Variants in CRISP1 observed in about 807,000 individuals in gnomAD.
CRISP1 encodes the protein cysteine rich secretory protein 1, also known as cysteine-rich secretory protein 1.
A neutral mutation model predicts 33.1 loss-of-function variants in CRISP1; 44 were observed. The observed-to-expected ratio is 1.33, with a 90% CI of 1.05 to 1.71. The LOEUF (loss-of-function observed/expected upper bound fraction) is 1.71, where lower values mean the gene tolerates loss of function less well. CRISP1 is among the 40% of genes most tolerant of loss of function. The probability of loss-of-function intolerance (pLI) is 0.00; values close to 1 mark genes in which losing one functional copy is unlikely to be tolerated. For synonymous variants in CRISP1, 103 were observed against 98.7 expected (o/e 1.04, Z -0.26); for missense variants, 390 against 301.2 (o/e 1.29, Z -2.18).
chr6:49,861,608 G>T (rs1367442297), intron 1 of CRISP1, among the ~76,000 whole-genome samples: 1 of 152,112 alleles, frequency 6.6e-6, no homozygotes, highest in Non-Finnish European at 1.5e-5. Context: ...GCTCGGCCAG[G>T]CACGGTAACT....
chr6:49,865,981 T>C (rs1191494735), intron 1 of CRISP1, among the ~76,000 whole-genome samples: 1 of 152,164 alleles, frequency 6.6e-6, no homozygotes, highest in African/African-American at 2.4e-5. Context: ...CCATTAAATG[T>C]CTAGCAACTC....
intron 4 of CRISP1, among the ~76,000 whole-genome samples, chr6:49,847,692 ATG>A (rs535936393): frequency 3.8e-4 from 36 of 95,662 alleles, no homozygotes; most frequent in Admixed American, 9.9e-4. Context: ...AGAAGCAATA[ATG>A]TTTTTTTTTA....
chr6:49,857,610 T>G (rs950211475), intron 1 of CRISP1, among the ~76,000 whole-genome samples: 1 of 152,128 alleles, frequency 6.6e-6, no homozygotes, highest in Non-Finnish European at 1.5e-5. Context: ...CTCAAAAATA[T>G]AAATTGTTTT....
chr6:49,873,272 T>G (rs1771967243), intron 1 of CRISP1, among the ~76,000 whole-genome samples: 1 of 151,976 alleles, frequency 6.6e-6, no homozygotes. Context: ...TAAAGAAAAT[T>G]TTTCCAAAAT....
intron 5 of CRISP1, among the ~76,000 whole-genome samples, chr6:49,842,483 T>C (rs560918882): frequency 6.6e-6 from 1 of 152,292 alleles, no homozygotes; most frequent in African/African-American, 2.4e-5. Flanking sequence ...CAAATGATTG[T>C]AGAAAAAGAG....
At chr6:49,852,602 AT>A (rs1256486887) in intron 2 of CRISP1, among the ~76,000 whole-genome samples, 2 of 152,148 alleles carry the variant, frequency 1.3e-5, no homozygotes, top group African/African-American at 4.8e-5. Context: ...GAGATTCATT[AT>A]TGAGGACAAA....
intron 3 of CRISP1, among the ~76,000 whole-genome samples, chr6:49,851,563 G>T (rs1486120593): frequency 1.3e-5 from 2 of 152,100 alleles, no homozygotes; most frequent in Non-Finnish European, 2.9e-5. Context: ...CTGGACTACT[G>T]CCCAATGAAG....
chr6:49,857,563 T>C (rs1042452136), intron 1 of CRISP1, among the ~76,000 whole-genome samples, 161 bp from the exon 2 acceptor site: 2 of 152,170 alleles, frequency 1.3e-5, no homozygotes, highest in Non-Finnish European at 1.5e-5. Flanking sequence ...GGGATCCAGA[T>C]AGAAAGGCAG....
rs568565593 is a variant in CRISP1 at position 49,874,313 on chromosome 6, T to C, written c.-3+2696A>G. Among the ~76,000 whole-genome samples, 15 of 152,152 alleles carry C rather than the reference T, an allele frequency of 9.9e-5. No individual in the cohort carries two copies. The South Asian group carries it at 1.2e-3, about 13-fold the overall frequency. ...ACTGATGCCTAATGCTATAAAACAT[T>C]TAGAAAAATAGACCCAATTGATTTC... On this transcript the variant is annotated intron_variant, in intron 1 of 7. Transcript: ENST00000505118.
At chr6:49,874,929 T>C (rs1164600900) in intron 1 of CRISP1, among the ~76,000 whole-genome samples, 1 of 152,036 alleles carries the variant, frequency 6.6e-6, no homozygotes, top group Non-Finnish European at 1.5e-5. Context: ...AAGAGCCATA[T>C]ATGACGAACC....
chr6:49,846,621 A>G lies in CRISP1; in HGVS notation c.334T>C (p.Trp112Arg), dbSNP rs1582265140. 5.0e-6 allele frequency: 8 copies of G among 1,613,588 alleles called. No homozygotes were observed. The highest frequency in any genetic ancestry group is 6.8e-6 in the Non-Finnish European group (8 of 1,179,666). ...TACCAGACTCCAATTACACTTGACC[A>G]TGATACAGGATAAGATGTCATATGC... Reference protein sequence around the residue: ...NMHMTSYPVSWSSVIGVWYSE... With the variant: ...NMHMTSYPVSRSSVIGVWYSE... The change falls in exon 5 of 8, where the codon TGG (tryptophan) becomes CGG (arginine). Residue 112 changes from tryptophan to arginine, a missense_variant. Physicochemically the swap from Trp to Arg is moderately radical, Grantham distance 101. Coordinates refer to ENST00000335847, the MANE Select transcript of CRISP1 (RefSeq NM_001131.3).
intron 2 of CRISP1, among the ~76,000 whole-genome samples, chr6:49,854,274 C>T (rs1022135501): frequency 1.3e-5 from 2 of 152,168 alleles, no homozygotes; most frequent in African/African-American, 4.8e-5. Flanking sequence ...TTCTACCATT[C>T]CCCCAAATCT....
At chr6:49,869,193 G>A (rs1233591606), upstream of CRISP1, among the ~76,000 whole-genome samples, 3 of 152,058 alleles carry the variant, frequency 2.0e-5, no homozygotes, top group African/African-American at 4.8e-5. Flanking sequence ...TGTCAGTTGA[G>A]GCTGCAGACA....
At chr6:49,844,151 CAA>C (rs1771082408) in intron 5 of CRISP1, among the ~76,000 whole-genome samples, 1 of 152,052 alleles carries the variant, frequency 6.6e-6, no homozygotes, top group South Asian at 2.1e-4. Context: ...AAAGTATTTT[CAA>C]AAGAGAATCC....
In CRISP1 at chr6:49,834,471, C is replaced by G; in HGVS notation, c.*845G>C. 1 of 152,104 alleles carries G rather than the reference C, an allele frequency of 6.6e-6. No individual in the cohort carries two copies. The highest frequency in any genetic ancestry group is 1.9e-4 in the East Asian group (1 of 5,184). 9.4% of individuals were successfully genotyped at this position (152,104 alleles called of 1,614,324 possible). On this transcript the variant is annotated 3_prime_UTR_variant, in exon 8 of 8. Coordinates refer to ENST00000335847, the MANE Select transcript of CRISP1 (RefSeq NM_001131.3). ...TTCCATTGTGTTGAAATAATCATAACCTTTGCAACCCTGTTTACTCAGAAG... is the reference window on the plus strand; with the variant it reads ...TTCCATTGTGTTGAAATAATCATAAGCTTTGCAACCCTGTTTACTCAGAAG...
chr6:49,868,020 A>G (rs1771838033), upstream of CRISP1, among the ~76,000 whole-genome samples: 1 of 152,158 alleles, frequency 6.6e-6, no homozygotes, highest in Non-Finnish European at 1.5e-5. Flanking sequence ...ATTCAACATC[A>G]AGTCAAGTGT....
chr6:49,857,269 T>C (rs1298512712), intron 2 of CRISP1, 66 bp downstream of exon 2: 1 of 1,483,296 alleles, frequency 6.7e-7, no homozygotes, highest in African/African-American at 1.4e-5. Flanking sequence ...CATGGTGAAT[T>C]GTATTAAAGT....
chr6:49,858,565 A>G (rs1771557253), intron 1 of CRISP1, among the ~76,000 whole-genome samples: 1 of 152,160 alleles, frequency 6.6e-6, no homozygotes, highest in African/African-American at 2.4e-5. Context: ...CTCTAAATCA[A>G]TTCTTTCAGA....
chr6:49,846,012 A>T (rs1309781877), intron 5 of CRISP1, among the ~76,000 whole-genome samples: 1 of 152,134 alleles, frequency 6.6e-6, no homozygotes, highest in Non-Finnish European at 1.5e-5. Context: ...GTATTGTTTA[A>T]TGAGTACAGA....
Sources: allele counts gnomAD v4.1 joint callset (sites outside exome capture counted in the v4.1 genomes callset), GRCh38; gene constraint gnomAD v4.1.1; transcripts MANE v1.5; gene names NCBI Gene and HGNC (gene_info 2026-07-23, HGNC 2026-07-21).